The following ADAMTSL1 variants were observed in gnomAD, a reference collection of about 807,000 sequenced individuals.
ADAMTSL1 encodes ADAMTS-like protein 1.
In ADAMTSL1, 126 loss-of-function variants were observed where a neutral mutation model predicts 201.8. That is an observed-to-expected ratio of 0.62 (90% CI 0.54 to 0.72). The LOEUF is 0.72. ADAMTSL1 is among the 30% of genes least tolerant of loss of function. ADAMTSL1 has a pLI of 0.00. For missense variants in ADAMTSL1, 2,679 were observed against 2,277.8 expected (o/e 1.18, Z -3.59); for synonymous variants, 1,121 against 903.4 (o/e 1.24, Z -4.32).
At chr9:18,292,326 G>A (rs1833305982) in intron 2 of ADAMTSL1, among the ~76,000 whole-genome samples, 1 of 152,098 alleles carries the variant, frequency 6.6e-6, no homozygotes, top group Non-Finnish European at 1.5e-5. Flanking sequence ...CTTGGTAGCT[G>A]GAATGGGTAC....
At chr9:18,432,386 G>T (rs1170596061) in intron 2 of ADAMTSL1, among the ~76,000 whole-genome samples, 3 of 152,136 alleles carry the variant, frequency 2.0e-5, no homozygotes, top group African/African-American at 7.2e-5. Context: ...CTTTCAACTA[G>T]AATCTTATGT....
intron 1 of ADAMTSL1, among the ~76,000 whole-genome samples, chr9:18,034,931 T>G (rs1253713734): frequency 6.6e-6 from 1 of 152,192 alleles, no homozygotes; most frequent in Non-Finnish European, 1.5e-5. Context: ...GTAATCAGAT[T>G]GTTCTAGTCT....
chr9:18,368,726 C>T (rs1280418709), intron 2 of ADAMTSL1, among the ~76,000 whole-genome samples: 1 of 152,148 alleles, frequency 6.6e-6, no homozygotes, highest in Non-Finnish European at 1.5e-5. Context: ...TTAGAACCAT[C>T]ATCCTGGATG....
intron 10 of ADAMTSL1, among the ~76,000 whole-genome samples, chr9:18,677,024 T>A (rs1390242123): frequency 2.6e-5 from 4 of 152,094 alleles, no homozygotes; most frequent in Non-Finnish European, 5.9e-5. Context: ...TCAATGCATA[T>A]GTATTCACAC....
chr9:18,300,299 A>T lies in ADAMTSL1; in HGVS notation c.207+136318A>T, dbSNP rs574684744. 7.2e-4 allele frequency among the ~76,000 whole-genome samples: 110 copies of T among 152,342 alleles called. No individual in the cohort carries two copies. In the South Asian group the frequency reaches 0.021, roughly 30 times the overall value. ...TGGAGCCATAAAAAAGGATGAGTTT[A>T]TGTCCTTTGCAGGGACGTGGATGAA... On this transcript the variant is annotated intron_variant, in intron 2 of 29. Coordinates refer to the ADAMTSL1 transcript ENST00000680146.
At chr9:17,997,679 C>T (rs185644373) in intron 1 of ADAMTSL1, among the ~76,000 whole-genome samples, 19 of 151,484 alleles carry the variant, frequency 1.3e-4, no homozygotes, top group Admixed American at 8.5e-4. Flanking sequence ...CTGTTCTGCA[C>T]GGGGAAAAAA....
At chr9:18,721,464 T>C (rs1223786663) in intron 14 of ADAMTSL1, 72 bp from the exon 15 acceptor site, 28 of 1,573,464 alleles carry the variant, frequency 1.8e-5, no homozygotes, top group Non-Finnish European at 2.1e-5. Flanking sequence ...CCAGCTGCCT[T>C]GTCTACACTT....
At chr9:18,801,503 A>AT (rs549161857) in intron 20 of ADAMTSL1, among the ~76,000 whole-genome samples, 231 of 152,000 alleles carry the variant, frequency 1.5e-3, no homozygotes, top group African/African-American at 5.1e-3. Context: ...CCCAATAGCT[A>AT]TTTTTTCAGC....
In ADAMTSL1 at chr9:17,973,170, T is replaced by G. The variant is rs1056782533; in HGVS notation, c.87+66248T>G. On this transcript the variant is annotated intron_variant, in intron 1 of 29. Coordinates refer to the ADAMTSL1 transcript ENST00000680146. ...CTGTGCAGAAGCTCTTTAGTTTAAT[T>G]AGATCCCATTTGTCAATTTTGGCTT... Among the ~76,000 whole-genome samples, 317 of 151,648 alleles carry G rather than the reference T, an allele frequency of 2.1e-3. 3 individuals are homozygous for G. Among genetic ancestry groups the G allele is most frequent in the African/African-American group, 7.2e-3 (297 of 41,362 alleles).
rs114289645 is a variant in ADAMTSL1, at chr9:18,328,392, G to A, written c.207+164411G>A. ...TGTCCCTGAGGACATGAACTGTGACGTAACACCAACCAGCATTTATTAAGC... is the reference window on the plus strand; with the variant it reads ...TGTCCCTGAGGACATGAACTGTGACATAACACCAACCAGCATTTATTAAGC... On this transcript the variant is annotated intron_variant, in intron 2 of 29. Transcript: ENST00000680146. 5.3e-3 allele frequency among the ~76,000 whole-genome samples: 812 copies of A among 152,254 alleles called. 9 individuals carry two copies. Among genetic ancestry groups the A allele is most frequent in the African/African-American group, 0.019 (777 of 41,550 alleles).
At chr9:17,908,460 C>CTT (rs541822002) in intron 1 of ADAMTSL1, among the ~76,000 whole-genome samples, 1 of 145,590 alleles carries the variant, frequency 6.9e-6, no homozygotes. Context: ...CTTAATGTGA[C>CTT]TTTTTTTTTT....
intron 16 of ADAMTSL1, among the ~76,000 whole-genome samples, chr9:18,756,396 A>C (rs942458343): frequency 2.0e-5 from 3 of 152,008 alleles, no homozygotes; most frequent in Admixed American, 6.6e-5. Context: ...TCTTTGGCTA[A>C]GTTTTGTTGG....
intron 1 of ADAMTSL1, among the ~76,000 whole-genome samples, chr9:18,085,054 C>A (rs926670183): frequency 6.6e-6 from 1 of 152,036 alleles, no homozygotes; most frequent in African/African-American, 2.4e-5. Context: ...GCAAGTGCTA[C>A]CATGCTGAGC....
At chr9:18,288,908 T>C (rs1038764777) in intron 2 of ADAMTSL1, among the ~76,000 whole-genome samples, 3 of 152,214 alleles carry the variant, frequency 2.0e-5, no homozygotes, top group Non-Finnish European at 4.4e-5. Context: ...AGGAACTGAA[T>C]TGATTGGCAT....
In ADAMTSL1 at chr9:18,196,791, G is replaced by C. The variant is rs556806867; in HGVS notation, c.207+32810G>C. 1.3e-3 allele frequency among the ~76,000 whole-genome samples: 200 copies of C among 152,014 alleles called. 1 individual carries two copies. Among genetic ancestry groups the C allele is most frequent in the African/African-American group, 4.6e-3 (192 of 41,482 alleles). On this transcript the variant is annotated intron_variant, in intron 2 of 29. Transcript: ENST00000680146. Reference sequence around the variant, plus strand: ...TCAGTTCCTCACACCAAACTCCTTTGCACCTTAGGGACTTTGCCCAAGCTG... The same window carrying C: ...TCAGTTCCTCACACCAAACTCCTTTCCACCTTAGGGACTTTGCCCAAGCTG...
chr9:18,769,616 G>T (rs1435247880), intron 16 of ADAMTSL1, among the ~76,000 whole-genome samples: 1 of 152,180 alleles, frequency 6.6e-6, no homozygotes, highest in African/African-American at 2.4e-5. Flanking sequence ...AGCCCAAGAT[G>T]GAAGCTTACA....
chr9:18,605,652 T>G (rs1824962190), intron 4 of ADAMTSL1, among the ~76,000 whole-genome samples: 1 of 152,208 alleles, frequency 6.6e-6, no homozygotes, highest in South Asian at 2.1e-4. Context: ...ATCCCTCATT[T>G]TGTAACTGCA....
At chr9:18,456,109 T>G (rs998580412) in intron 2 of ADAMTSL1, among the ~76,000 whole-genome samples, 6 of 152,160 alleles carry the variant, frequency 3.9e-5, no homozygotes, top group African/African-American at 1.4e-4. Context: ...CCCAGCTAAG[T>G]GATTCCAGTT....
chr9:18,204,667 G>C (rs1829580506), intron 2 of ADAMTSL1, among the ~76,000 whole-genome samples: 1 of 152,096 alleles, frequency 6.6e-6, no homozygotes, highest in Non-Finnish European at 1.5e-5. Context: ...TCAATCATCT[G>C]AAGACTGGTT....
Sources: gnomAD v4.1 joint callset for allele counts (sites outside exome capture counted in the v4.1 genomes callset) on GRCh38, gnomAD v4.1.1 for gene constraint, MANE v1.5 for transcripts, NCBI Gene and HGNC (gene_info 2026-07-23, HGNC 2026-07-21) for gene names.